Variants in ARID4B observed in about 807,000 individuals in gnomAD.
ARID4B encodes AT-rich interaction domain 4B.
A neutral mutation model predicts 147.5 loss-of-function variants in ARID4B; 26 were observed. The observed-to-expected ratio is 0.18, with a 90% CI of 0.13 to 0.24. The LOEUF (loss-of-function observed/expected upper bound fraction) is 0.24, where lower values mean the gene tolerates loss of function less well. Ranked by LOEUF, ARID4B falls within the 10% of genes least tolerant of loss-of-function variation. The pLI is 1.00. For synonymous variants in ARID4B, 512 were observed against 507.9 expected, an observed-to-expected ratio of 1.01 and a Z score of -0.11; for missense variants, 1,179 against 1,511.5, an observed-to-expected ratio of 0.78 and a Z score of 3.65.
chr1:235,233,966 C>T (rs1438270718), intron 9 of ARID4B, among the ~76,000 whole-genome samples: 1 of 152,152 alleles, frequency 6.6e-6, no homozygotes, highest in Non-Finnish European at 1.5e-5. Context: ...ATAGTCCCAG[C>T]TACTCAGGAG....
At chr1:235,322,534 T>G (rs1202944586) in intron 2 of ARID4B, among the ~76,000 whole-genome samples, 2 of 152,222 alleles carry the variant, frequency 1.3e-5, no homozygotes, top group Non-Finnish European at 2.9e-5. Context: ...GCACTCAGCT[T>G]AGATGTCAAC....
intron 2 of ARID4B, among the ~76,000 whole-genome samples, chr1:235,308,111 G>A (rs1463030811): frequency 1.7e-5 from 2 of 120,398 alleles, no homozygotes; most frequent in African/African-American, 5.5e-5. Context: ...TTTTTGGAGG[G>A]GGACAGAGTC....
intron 23 of ARID4B, 65 bp from the exon 24 acceptor site, chr1:235,168,717 T>C (rs557818682): frequency 7.9e-5 from 120 of 1,526,196 alleles, no homozygotes; most frequent in Middle Eastern, 2.0e-4. Flanking sequence ...AGACAGAAAA[T>C]ACTAGTCCTC....
At chr1:235,322,775 A>T (rs917050902) in intron 2 of ARID4B, among the ~76,000 whole-genome samples, 1 of 152,098 alleles carries the variant, frequency 6.6e-6, no homozygotes, top group Admixed American at 6.6e-5. Flanking sequence ...TGTTAAATGA[A>T]TGACTTATGA....
chr1:235,201,295 C>T (rs1665898863), intron 17 of ARID4B, among the ~76,000 whole-genome samples: 1 of 151,988 alleles, frequency 6.6e-6, no homozygotes, highest in African/African-American at 2.4e-5. Context: ...TCTATTCATC[C>T]CCGAAAGTAC....
chr1:235,223,968 CAA>C (rs1192429574), intron 12 of ARID4B, among the ~76,000 whole-genome samples: 1 of 152,052 alleles, frequency 6.6e-6, no homozygotes, highest in Non-Finnish European at 1.5e-5. Flanking sequence ...ATACAAGAAT[CAA>C]AGACATTTTA....
At chr1:235,307,228 G>A (rs1471284943) in intron 2 of ARID4B, among the ~76,000 whole-genome samples, 2 of 152,182 alleles carry the variant, frequency 1.3e-5, no homozygotes, top group Non-Finnish European at 2.9e-5. Context: ...AAGGTCACTT[G>A]AGGCCAGGAG....
chr1:235,255,611 T>C (rs1414158140), intron 5 of ARID4B, 49 bp downstream of exon 5: 7 of 1,218,440 alleles, frequency 5.7e-6, no homozygotes, highest in Non-Finnish European at 8.1e-6. Flanking sequence ...TATTAAGTTT[T>C]CTTTGTGTAA....
In ARID4B at chr1:235,319,561, A is replaced by T. The variant is rs191516661; in HGVS notation, c.6+7353T>A. The stretch of plus-strand genomic sequence containing the variant: ...TTTTATGGTATGTGAATTATATCTC[A>T]TTTTTTTTAATTAAAAAAACAAGTG... On this transcript the variant is annotated intron_variant, in intron 2 of 23. Transcript: ENST00000264183. Among the ~76,000 whole-genome samples the T allele has an allele frequency of 1.1e-3, 168 of 152,064 alleles. No homozygotes were observed. The Middle Eastern group carries it at 0.031, about 28-fold the overall frequency.
chr1:235,239,376 TTC>T, intron 8 of ARID4B, among the ~76,000 whole-genome samples: 1 of 152,186 alleles, frequency 6.6e-6, no homozygotes, highest in African/African-American at 2.4e-5. Flanking sequence ...AAAAAATGCA[TTC>T]TTATTGCCAC....
intron 2 of ARID4B, among the ~76,000 whole-genome samples, chr1:235,272,560 T>A (rs927538036): frequency 9.2e-5 from 14 of 152,142 alleles, no homozygotes; most frequent in Admixed American, 5.2e-4. Flanking sequence ...GGAATCAATA[T>A]CTGAGATCAA....
chr1:235,256,038 G>A (rs1194813971), intron 4 of ARID4B, among the ~76,000 whole-genome samples: 2 of 151,854 alleles, frequency 1.3e-5, no homozygotes, highest in South Asian at 2.1e-4. Context: ...GGCAGGCGTG[G>A]TGGCAGGCGC....
intron 19 of ARID4B, among the ~76,000 whole-genome samples, chr1:235,184,560 T>C (rs1025938513): frequency 1.3e-5 from 2 of 152,230 alleles, no homozygotes; most frequent in African/African-American, 4.8e-5. Context: ...AATCCATGCA[T>C]GTTCTTTAGC....
chr1:235,284,099 C>T (rs962629840), intron 2 of ARID4B, among the ~76,000 whole-genome samples: 11 of 151,988 alleles, frequency 7.2e-5, no homozygotes, highest in African/African-American at 1.9e-4. Flanking sequence ...CAGTGGCTCA[C>T]GCCTGTAATC....
intron 2 of ARID4B, among the ~76,000 whole-genome samples, chr1:235,313,849 CT>C (rs1674249238): frequency 6.6e-6 from 1 of 152,146 alleles, no homozygotes. Context: ...TCACCTTCTA[CT>C]AAACATTCTG....
At chr1:235,249,292 C>T (rs758215156) in intron 6 of ARID4B, among the ~76,000 whole-genome samples, 4 of 152,000 alleles carry the variant, frequency 2.6e-5, no homozygotes, top group African/African-American at 7.3e-5. Flanking sequence ...AAGATCATGC[C>T]GCTGTACTCC....
At chr1:235,204,757 T>C (rs535247559) in intron 17 of ARID4B, among the ~76,000 whole-genome samples, 1 of 152,354 alleles carries the variant, frequency 6.6e-6, no homozygotes, top group South Asian at 2.1e-4. Flanking sequence ...GATAAATGTA[T>C]GGAATTAGTT....
chr1:235,285,036 C>T (rs922409555), intron 2 of ARID4B, among the ~76,000 whole-genome samples: 2 of 152,068 alleles, frequency 1.3e-5, no homozygotes, highest in Non-Finnish European at 2.9e-5. Context: ...CCCAAGCCTC[C>T]CAAGTAGCTG....
intron 2 of ARID4B, among the ~76,000 whole-genome samples, chr1:235,297,267 T>C (rs1291303031): frequency 6.6e-6 from 1 of 151,982 alleles, no homozygotes; most frequent in African/African-American, 2.4e-5. Context: ...ATCACATACA[T>C]AAAAATCCCT....
Sources: allele counts gnomAD v4.1 joint callset (sites outside exome capture counted in the v4.1 genomes callset), GRCh38; gene constraint gnomAD v4.1.1; transcripts MANE v1.5; gene names NCBI Gene and HGNC (gene_info 2026-07-23, HGNC 2026-07-21).